Variants in MAP7D2 observed in about 807,000 individuals in gnomAD.
The protein encoded by MAP7D2 is MAP7 domain-containing protein 2.
In MAP7D2, 33 loss-of-function variants were observed where a neutral mutation model predicts 63.5. The observed-to-expected ratio is 0.52, with a 90% confidence interval of 0.39 to 0.70. MAP7D2 has a LOEUF of 0.70. MAP7D2 is among the 30% of genes least tolerant of loss of function. The pLI, the probability that MAP7D2 is intolerant of heterozygous loss-of-function variation, is 0.00. For missense variants in MAP7D2, 626 were observed against 604.0 expected, an observed-to-expected ratio of 1.04 and a Z score of -0.38; for synonymous variants, 224 against 223.7, an observed-to-expected ratio of 1.00 and a Z score of -0.01.
intron 1 of MAP7D2, among the ~76,000 whole-genome samples, chrX:20,114,657 C>A (rs769956623): frequency 8.9e-6 from 1 of 112,292 alleles, no homozygotes; most frequent in Non-Finnish European, 1.9e-5. Context: ...TATTTCCTTT[C>A]CGTCTTTTAC....
intron 1 of MAP7D2, among the ~76,000 whole-genome samples, chrX:20,101,844 T>C (rs1405737698): frequency 2.7e-5 from 3 of 112,464 alleles, no homozygotes; most frequent in Non-Finnish European, 3.8e-5. Context: ...TGGAGATGGA[T>C]TGTGGTGGTG....
chrX:20,056,639 C>T (rs1569092436), intron 4 of MAP7D2, 41 bp downstream of exon 4: 1 of 1,105,001 alleles, frequency 9.0e-7, no homozygotes, highest in South Asian at 1.9e-5. Flanking sequence ...TCCATTATTT[C>T]CCACCCAGGA....
intron 8 of MAP7D2, among the ~76,000 whole-genome samples, chrX:20,034,743 C>T (rs2074164943): frequency 1.8e-5 from 2 of 111,746 alleles, no homozygotes; most frequent in Admixed American, 9.5e-5. Flanking sequence ...TCCCAGCCTC[C>T]GGAACTGTGA....
At chrX:20,074,070 G>T (rs2148422370) in intron 1 of MAP7D2, among the ~76,000 whole-genome samples, 1 of 106,194 alleles carries the variant, frequency 9.4e-6, no homozygotes, top group Non-Finnish European at 1.9e-5. Context: ...GGGAGGCGGA[G>T]GCTGCGGTGA....
At chrX:20,028,424 A>G (rs2073940520) in intron 8 of MAP7D2, among the ~76,000 whole-genome samples, 1 of 112,459 alleles carries the variant, frequency 8.9e-6, no homozygotes, top group African/African-American at 3.2e-5. Flanking sequence ...GACAAGAATG[A>G]ACCAAAACCA....
Position 20,012,841 on chromosome X carries a change from T to C in MAP7D2, c.1885+213A>G, listed in dbSNP as rs761077605. 3.6e-5 allele frequency among the ~76,000 whole-genome samples: 4 copies of C among 112,231 alleles called. No individual in the cohort carries two copies. In the East Asian group the frequency reaches 1.1e-3, roughly 32 times the overall value. ...GAGCCAGCAGCCAGAGTGCCTCCTA[T>C]GCTGGGATTATGGGAGTAACCAAGG... is the stretch of plus-strand genomic sequence containing the variant. On this transcript the variant is annotated intron_variant, in intron 14 of 16. Transcript: ENST00000379643.
At position 20,050,004 on chromosome X, in the gene MAP7D2, T is replaced by C. The variant is rs1173416804; in HGVS notation, c.718+820A>G. The C allele has an allele frequency of 2.2e-5, 5 of 227,967 alleles. No individual in the cohort carries two copies. In the East Asian group the frequency reaches 4.3e-4, roughly 19 times the overall value. The allele number at this position is 227,967 out of a possible 1,213,427, so 18.8% of individuals were successfully genotyped here. A position where few individuals can be genotyped will look rare whatever the true frequency, so the allele number is the denominator to read the frequency against. On this transcript the variant is annotated intron_variant, in intron 6 of 16. Transcript: ENST00000379643. ...TTATTTGCAGAAACAGTATAACTGT[T>C]TGGAAGCAGCTACAACTAGGCAGAA...
chrX:20,010,743 G>T lies in MAP7D2; in HGVS notation c.*26+34C>A, dbSNP rs1391999682. 9.0e-6 allele frequency: 10 copies of T among 1,115,657 alleles called. No individual in the cohort carries two copies. In the South Asian group the frequency reaches 1.0e-4, roughly 12 times the overall value. The allele number at this position is 1,115,657 out of a possible 1,213,427, so 91.9% of individuals were successfully genotyped here. A position where few individuals can be genotyped will look rare whatever the true frequency, so the allele number is the denominator to read the frequency against. The stretch of plus-strand genomic sequence containing the variant: ...TATCTTCACAAACCCCAGTTAAAGG[G>T]TTATGAAGTTAGAATATAATCAAAA... On this transcript the variant is annotated intron_variant, in intron 16 of 16. Coordinates refer to ENST00000379643, the MANE Select transcript of MAP7D2 (RefSeq NM_001168465.2).
intron 1 of MAP7D2, among the ~76,000 whole-genome samples, chrX:20,102,726 C>G (rs1301003607): frequency 1.1e-5 from 1 of 88,622 alleles, no homozygotes; most frequent in Admixed American, 1.4e-4. Context: ...GGGATGCGGT[C>G]ATGAGAGATA....
At chrX:20,064,524 G>A (rs2065301668) in intron 2 of MAP7D2, among the ~76,000 whole-genome samples, 1 of 112,065 alleles carries the variant, frequency 8.9e-6, no homozygotes, top group Non-Finnish European at 1.9e-5. Flanking sequence ...ACACAGCAGA[G>A]GTTCAATGTT....
At chrX:20,062,855 T>C (rs1481341585) in intron 3 of MAP7D2, among the ~76,000 whole-genome samples, 2 of 111,878 alleles carry the variant, frequency 1.8e-5, no homozygotes, top group Non-Finnish European at 3.8e-5. Context: ...TTAAATATAT[T>C]AGCATCTTGG....
chrX:20,058,760 T>C (rs1052746899), intron 3 of MAP7D2, among the ~76,000 whole-genome samples: 5 of 111,889 alleles, frequency 4.5e-5, no homozygotes, highest in Non-Finnish European at 7.5e-5. Flanking sequence ...GAGAAATAGA[T>C]GATAAGCAAG....
chrX:20,010,970 T>C lies in MAP7D2; in HGVS notation c.2155A>G (p.Asn719Asp), dbSNP rs2073181410. 1 of 1,209,193 alleles carries C rather than the reference T, an allele frequency of 8.3e-7. No homozygotes were observed. Among genetic ancestry groups the C allele is most frequent in the Non-Finnish European group, 1.1e-6 (1 of 894,899 alleles). The change falls in exon 16 of 17, where the codon AAT (asparagine) becomes GAT (aspartate). Residue 719 changes from asparagine (N) to aspartate (D), a missense_variant. Coordinates refer to ENST00000379643, the MANE Select transcript of MAP7D2 (RefSeq NM_001168465.2). ...AGTGCTCGGGCATTACCAGTTCCAT[T>C]TTGGTCCAGAGACACCCCAGGAATC... The part of the protein sequence containing the change: ...EMIPGVSLDQ[N>D]GTGNARALQD...
intron 1 of MAP7D2, among the ~76,000 whole-genome samples, chrX:20,114,097 G>A (rs759937619): frequency 2.7e-5 from 3 of 111,942 alleles, no homozygotes; most frequent in Admixed American, 1.9e-4. Flanking sequence ...ACAGTGGCGC[G>A]AGGTCAGCTC....
At chrX:20,108,352 C>T (rs1569156409) in intron 1 of MAP7D2, among the ~76,000 whole-genome samples, 1 of 109,559 alleles carries the variant, frequency 9.1e-6, no homozygotes, top group Non-Finnish European at 1.9e-5. Flanking sequence ...CTCGTGCCGC[C>T]GCTTCCCGAG....
rs60182799 is a variant in MAP7D2, at chrX:20,049,270, AT to A, written c.718+1553del. 6.3e-3 allele frequency among the ~76,000 whole-genome samples: 518 copies of A among 81,713 alleles called. 2 individuals carry two copies. Among genetic ancestry groups the A allele is most frequent in the African/African-American group, 0.015 (278 of 18,893 alleles). 71.0% of individuals were successfully genotyped at this position (81,713 alleles called of 115,157 possible). On this transcript the variant is annotated intron_variant, in intron 6 of 16. Transcript: ENST00000379643. Reference sequence around the variant, plus strand: ...CATCCATCTTGTGGCATGTATCTGTATTTTTTTTTTTTTTTTTTTGAGATGG... The same window carrying A: ...CATCCATCTTGTGGCATGTATCTGTATTTTTTTTTTTTTTTTTTGAGATGG...
chrX:20,047,554 G>A (rs1019618077), intron 6 of MAP7D2, among the ~76,000 whole-genome samples: 1 of 108,634 alleles, frequency 9.2e-6, no homozygotes, highest in Middle Eastern at 4.7e-3. Context: ...GCTTAAGCCT[G>A]TAATCCCAGC....
intron 1 of MAP7D2, among the ~76,000 whole-genome samples, chrX:20,071,173 ACT>A (rs2065492440): frequency 8.9e-6 from 1 of 112,273 alleles, no homozygotes. Flanking sequence ...ACTCACAGGC[ACT>A]GTTTCCCACC....
At chrX:20,053,841 A>G (rs886630419) in intron 4 of MAP7D2, among the ~76,000 whole-genome samples, 1 of 111,738 alleles carries the variant, frequency 8.9e-6, no homozygotes, top group African/African-American at 3.3e-5. Context: ...CCAAATGACA[A>G]TCTTAAATAA....
Sources: allele counts gnomAD v4.1 joint callset (sites outside exome capture counted in the v4.1 genomes callset), GRCh38; gene constraint gnomAD v4.1.1; transcripts MANE v1.5; gene names NCBI Gene and HGNC (gene_info 2026-07-23, HGNC 2026-07-21).